HAUS1: variants seen among roughly 807,000 people sequenced by gnomAD.
HAUS1 encodes the protein HAUS augmin-like complex subunit 1.
Under a neutral mutation model 38.6 loss-of-function variants are expected in HAUS1, and 25 were observed. The ratio of observed to expected loss-of-function variants is 0.65; its 90% CI spans 0.47 to 0.91. The LOEUF is 0.91. HAUS1 is among the 40% of genes least tolerant of loss of function. The probability of loss-of-function intolerance (pLI) is 0.00; values close to 1 mark genes in which losing one functional copy is unlikely to be tolerated. For synonymous variants in HAUS1, 109 were observed against 112.9 expected (o/e 0.97, Z 0.22); for missense variants, 325 against 328.4 (o/e 0.99, Z 0.08).
chr18:46,124,428 A>AAAAAAAAAT (rs1912040060), intron 6 of HAUS1, among the ~76,000 whole-genome samples: 1 of 151,124 alleles, frequency 6.6e-6, no homozygotes, highest in Non-Finnish European at 1.5e-5. Flanking sequence ...AAAAAAAAAA[A>AAAAAAAAAT]AAAAAAAATT....
intron 8 of HAUS1, among the ~76,000 whole-genome samples, chr18:46,126,304 T>C (rs1037986687): frequency 3.9e-5 from 6 of 152,124 alleles, no homozygotes; most frequent in African/African-American, 1.4e-4. Context: ...AGTAGTATTT[T>C]ATGCCTTTTA....
chr18:46,123,503 G>T, intron 6 of HAUS1, 139 bp downstream of exon 6: 2 of 625,786 alleles, frequency 3.2e-6, no homozygotes, highest in Non-Finnish European at 2.9e-6. Context: ...TATATTCACT[G>T]GTATTTATAT....
At chr18:46,121,375 A>G (rs1911938766) in intron 4 of HAUS1, among the ~76,000 whole-genome samples, 1 of 152,068 alleles carries the variant, frequency 6.6e-6, no homozygotes, top group Non-Finnish European at 1.5e-5. Context: ...TATTTTTAGC[A>G]GAGACGGGGT....
intron 1 of HAUS1, 150 bp downstream of exon 1, chr18:46,104,591 A>T (rs1407807511): frequency 4.8e-6 from 3 of 630,904 alleles, no homozygotes; most frequent in African/African-American, 1.9e-5. Context: ...CACTATCTGC[A>T]AGCCCCCCGT....
chr18:46,126,290 A>G (rs940913899), intron 8 of HAUS1, among the ~76,000 whole-genome samples: 8 of 152,138 alleles, frequency 5.3e-5, no homozygotes, highest in African/African-American at 1.9e-4. Context: ...ACAAAAAAAC[A>G]CATAGTAGTA....
intron 2 of HAUS1, among the ~76,000 whole-genome samples, chr18:46,108,911 A>C (rs1911546403): frequency 6.6e-6 from 1 of 151,998 alleles, no homozygotes; most frequent in South Asian, 2.1e-4. Flanking sequence ...CTCTACTAAA[A>C]ATACAAAAAA....
chr18:46,125,601 C>A, intron 7 of HAUS1, 143 bp from the exon 8 acceptor site: 2 of 529,870 alleles, frequency 3.8e-6, no homozygotes, highest in Non-Finnish European at 3.4e-6. Context: ...GGTTTAAAGT[C>A]AGTGGTAAAT....
At chr18:46,124,179 G>A (rs1040445773) in intron 6 of HAUS1, among the ~76,000 whole-genome samples, 5 of 152,090 alleles carry the variant, frequency 3.3e-5, no homozygotes, top group Non-Finnish European at 7.3e-5. Context: ...GGAGGCAGAG[G>A]CAGGAAGATT....
intron 6 of HAUS1, 70 bp downstream of exon 6, chr18:46,123,434 C>G: frequency 9.3e-7 from 1 of 1,072,748 alleles, no homozygotes; most frequent in Non-Finnish European, 1.4e-6. Flanking sequence ...TCATTTGTTT[C>G]TTTTTATTCG....
intron 2 of HAUS1, among the ~76,000 whole-genome samples, chr18:46,108,647 T>A (rs949485686): frequency 6.6e-6 from 1 of 152,236 alleles, no homozygotes; most frequent in Non-Finnish European, 1.5e-5. Context: ...TTTTCATTCA[T>A]ATCAAAGTAT....
intron 8 of HAUS1, among the ~76,000 whole-genome samples, chr18:46,126,194 G>C (rs140073963): frequency 0.012 from 1,826 of 152,202 alleles, 39 homozygotes; most frequent in African/African-American, 0.041. Flanking sequence ...AGAATCACTT[G>C]AACCTGGGAG....
intron 8 of HAUS1, 67 bp downstream of exon 8, chr18:46,125,858 C>G: frequency 1.1e-6 from 1 of 915,136 alleles, no homozygotes; most frequent in South Asian, 1.5e-5. Context: ...TAGCTAAAGT[C>G]TTCTTCATCC....
intron 6 of HAUS1, among the ~76,000 whole-genome samples, chr18:46,124,285 C>T (rs1210251423): frequency 6.6e-6 from 1 of 151,992 alleles, no homozygotes; most frequent in Non-Finnish European, 1.5e-5. Context: ...TGGCACATGC[C>T]TGTAATCCCA....
At chr18:46,105,592 GTA>G (rs1555697187) in intron 2 of HAUS1, among the ~76,000 whole-genome samples, 1 of 144,936 alleles carries the variant, frequency 6.9e-6, no homozygotes, top group African/African-American at 2.6e-5. Flanking sequence ...GTGTGTGTGT[GTA>G]TATATTTTAG....
At chr18:46,110,953 T>G (rs1568262834) in intron 2 of HAUS1, among the ~76,000 whole-genome samples, 1 of 148,906 alleles carries the variant, frequency 6.7e-6, no homozygotes. Flanking sequence ...CTCGGCTCAC[T>G]GCAACCTCTG....
At chr18:46,119,531 T>A (rs1911882339) in intron 3 of HAUS1, among the ~76,000 whole-genome samples, 1 of 152,154 alleles carries the variant, frequency 6.6e-6, no homozygotes, top group African/African-American at 2.4e-5. Context: ...ATAGCTCTGT[T>A]ATAACTGGGG....
intron 8 of HAUS1, among the ~76,000 whole-genome samples, chr18:46,126,274 C>CA (rs755617781): frequency 5.9e-5 from 9 of 151,458 alleles, no homozygotes; most frequent in African/African-American, 9.7e-5. Context: ...GACTCCCTCT[C>CA]AAAAAACAAA....
intron 8 of HAUS1, 117 bp downstream of exon 8, chr18:46,125,908 GT>G (rs1233361466): frequency 1.5e-6 from 1 of 676,852 alleles, no homozygotes; most frequent in Non-Finnish European, 2.6e-6. Context: ...CAGTCCTAAA[GT>G]TACTGTGTAT....
At chr18:46,126,185 G>C (rs1188302213) in intron 8 of HAUS1, among the ~76,000 whole-genome samples, 4 of 152,132 alleles carry the variant, frequency 2.6e-5, no homozygotes. Flanking sequence ...TGAGGCAGGA[G>C]AATCACTTGA....
Sources: allele counts gnomAD v4.1 joint callset (sites outside exome capture counted in the v4.1 genomes callset), GRCh38; gene constraint gnomAD v4.1.1; transcripts MANE v1.5; gene names NCBI Gene and HGNC (gene_info 2026-07-23, HGNC 2026-07-21).